Variants in CACNA2D3 observed in about 807,000 individuals in gnomAD.
CACNA2D3 encodes calcium voltage-gated channel auxiliary subunit alpha2delta 3, also known as voltage-dependent calcium channel subunit alpha-2/delta-3.
CACNA2D3 carries 60 observed loss-of-function variants against 160.6 expected under a neutral mutation model. The observed-to-expected ratio is 0.37, with a 90% CI of 0.30 to 0.46. CACNA2D3 has a LOEUF of 0.46. CACNA2D3 is among the 20% of genes least tolerant of loss of function. The pLI, the probability that CACNA2D3 is intolerant of heterozygous loss-of-function variation, is 1.00. For synonymous variants in CACNA2D3, 558 were observed against 492.9 expected (o/e 1.13, Z -1.75); for missense variants, 1,205 against 1,365.0 (o/e 0.88, Z 1.85).
At chr3:54,221,978 T>C (rs1438279063) in intron 2 of CACNA2D3, among the ~76,000 whole-genome samples, 1 of 152,116 alleles carries the variant, frequency 6.6e-6, no homozygotes, top group East Asian at 1.9e-4. Flanking sequence ...CCTCCCAAAG[T>C]GTTGGGATAA....
At chr3:54,142,382 C>T (rs141958499) in intron 2 of CACNA2D3, among the ~76,000 whole-genome samples, 1 of 152,316 alleles carries the variant, frequency 6.6e-6, no homozygotes, top group Non-Finnish European at 1.5e-5. Flanking sequence ...ATGCCAGGGG[C>T]TCAGTGCTGG....
At chr3:54,626,647 C>A in intron 9 of CACNA2D3, 2 of 918,058 alleles carry the variant, frequency 2.2e-6, no homozygotes, top group Non-Finnish European at 3.4e-6. Flanking sequence ...CCCTCTCAAG[C>A]AGTGGCTCAG....
At chr3:54,531,176 A>G (rs946832022) in intron 5 of CACNA2D3, among the ~76,000 whole-genome samples, 7 of 152,188 alleles carry the variant, frequency 4.6e-5, no homozygotes, top group Admixed American at 3.9e-4. Flanking sequence ...TGCTCTAGCA[A>G]TTTGTCTGAA....
intron 11 of CACNA2D3, among the ~76,000 whole-genome samples, chr3:54,698,046 T>C (rs72872226): frequency 0.17 from 25,914 of 152,260 alleles, 2,533 homozygotes; most frequent in Non-Finnish European, 0.22. Context: ...TTGTCATTTT[T>C]GCTGCTCTCT....
chr3:54,830,395 C>A (rs532583983), intron 14 of CACNA2D3, among the ~76,000 whole-genome samples: 2 of 152,032 alleles, frequency 1.3e-5, no homozygotes, highest in East Asian at 1.9e-4. Context: ...TGATAACCGC[C>A]GGTCTTTGCT....
intron 4 of CACNA2D3, among the ~76,000 whole-genome samples, chr3:54,480,739 C>A (rs1700919626): frequency 6.6e-6 from 1 of 152,036 alleles, no homozygotes; most frequent in Admixed American, 6.6e-5. Context: ...CTTGTATTTC[C>A]ATTTACCACT....
At chr3:54,767,321 T>G (rs1702244003) in intron 13 of CACNA2D3, among the ~76,000 whole-genome samples, 1 of 152,148 alleles carries the variant, frequency 6.6e-6, no homozygotes, top group South Asian at 2.1e-4. Context: ...AACACAATAC[T>G]TTCACTCTCT....
chr3:54,500,107 C>T (rs1701264829), intron 4 of CACNA2D3, among the ~76,000 whole-genome samples: 1 of 152,120 alleles, frequency 6.6e-6, no homozygotes, highest in African/African-American at 2.4e-5. Flanking sequence ...ATTGCTTTGT[C>T]TTCTTAGAGA....
intron 31 of CACNA2D3, among the ~76,000 whole-genome samples, chr3:54,995,504 G>C (rs563529162): frequency 5.9e-5 from 9 of 152,054 alleles, no homozygotes; most frequent in Non-Finnish European, 1.3e-4. Flanking sequence ...TAAGTTCAAG[G>C]TTACCTCATG....
At position 54,375,973 on chromosome 3, in the gene CACNA2D3, T is replaced by G. The variant is rs75548665; in HGVS notation, c.322-10742T>G. Among the ~76,000 whole-genome samples the G allele has an allele frequency of 3.8e-4, 58 of 152,310 alleles. No homozygotes were observed. The East Asian group carries it at 0.011, about 29-fold the overall frequency. On this transcript the variant is annotated intron_variant, in intron 3 of 37. Coordinates refer to ENST00000474759, the MANE Select transcript of CACNA2D3 (RefSeq NM_018398.3). ...GTGGAATAAATGTCATTAAAGCAAG[T>G]GGTCTCTCTGCCTCAGTCTCTGTTC...
At chr3:54,202,556 G>A (rs1331282022) in intron 2 of CACNA2D3, among the ~76,000 whole-genome samples, 5 of 152,172 alleles carry the variant, frequency 3.3e-5, no homozygotes, top group Admixed American at 6.5e-5. Flanking sequence ...GAGGAGAGAA[G>A]TGCTTGTGGT....
chr3:54,713,425 A>G (rs1425150354), intron 11 of CACNA2D3, among the ~76,000 whole-genome samples: 1 of 152,212 alleles, frequency 6.6e-6, no homozygotes, highest in Non-Finnish European at 1.5e-5. Context: ...TCCTCACATA[A>G]AAGTGGCCAA....
intron 2 of CACNA2D3, among the ~76,000 whole-genome samples, chr3:54,259,251 A>T (rs750694387): frequency 6.6e-5 from 10 of 152,332 alleles, no homozygotes; most frequent in Middle Eastern, 6.8e-3. Flanking sequence ...AGCTGATAGG[A>T]TGAGAGCCTG....
At chr3:54,837,130 C>T in intron 14 of CACNA2D3, 29 bp from the exon 15 acceptor site, 1 of 1,608,980 alleles carries the variant, frequency 6.2e-7, no homozygotes, top group Non-Finnish European at 8.5e-7. Context: ...AGACCGTTCC[C>T]CGGTAACTGG....
At position 54,394,254 on chromosome 3, in the gene CACNA2D3, G is replaced by A. The variant is rs528346902; in HGVS notation, c.381+7480G>A. ...GGAGCGGCCTTAGCTGCTTGGTTGT[G>A]CCCCAGAATCACAGATCCTGGTGTG... On this transcript the variant is annotated intron_variant, in intron 4 of 37. Transcript: ENST00000474759. Among the ~76,000 whole-genome samples the A allele has an allele frequency of 9.2e-5, 14 of 151,694 alleles. No homozygotes were observed. In the East Asian group the frequency reaches 1.2e-3, roughly 13 times the overall value.
intron 3 of CACNA2D3, chr3:54,385,845 G>T: frequency 2.1e-6 from 1 of 468,802 alleles, no homozygotes; most frequent in Non-Finnish European, 4.2e-6. Context: ...AGGAGAAATA[G>T]AAGTGGTCAA....
At chr3:55,042,674 C>T (rs1703982310) in intron 35 of CACNA2D3, among the ~76,000 whole-genome samples, 1 of 152,114 alleles carries the variant, frequency 6.6e-6, no homozygotes, top group South Asian at 2.1e-4. Flanking sequence ...TTGCCATAGA[C>T]TTCTATGAGT....
intron 9 of CACNA2D3, among the ~76,000 whole-genome samples, chr3:54,588,065 A>G (rs1008347928): frequency 1.3e-5 from 2 of 152,184 alleles, no homozygotes; most frequent in East Asian, 3.8e-4. Flanking sequence ...ATCCTCAACA[A>G]AATTTCAGCA....
intron 11 of CACNA2D3, among the ~76,000 whole-genome samples, chr3:54,733,310 C>T (rs1366874898): frequency 2.0e-5 from 3 of 152,142 alleles, no homozygotes; most frequent in Admixed American, 1.3e-4. Context: ...TCAGTTTTTC[C>T]TTGTGCCAAG....
Sources: gnomAD v4.1 joint callset for allele counts (sites outside exome capture counted in the v4.1 genomes callset) on GRCh38, gnomAD v4.1.1 for gene constraint, MANE v1.5 for transcripts, NCBI Gene and HGNC (gene_info 2026-07-23, HGNC 2026-07-21) for gene names.